FGF7: variants seen among roughly 807,000 people sequenced by gnomAD.
FGF7 encodes fibroblast growth factor 7.
Under a neutral mutation model 20.5 loss-of-function variants are expected in FGF7, and 6 were observed. The observed-to-expected ratio is 0.29, with a 90% confidence interval of 0.16 to 0.58. FGF7 has a LOEUF of 0.58. FGF7 is among the 20% of genes least tolerant of loss of function. The probability of loss-of-function intolerance (pLI) is 0.90; values close to 1 mark genes in which losing one functional copy is unlikely to be tolerated. For missense variants in FGF7, 144 were observed against 228.8 expected, an observed-to-expected ratio of 0.63 and a Z score of 2.39; for synonymous variants, 64 against 74.7, an observed-to-expected ratio of 0.86 and a Z score of 0.74.
At position 49,486,742 on chromosome 15, in the gene FGF7, A is replaced by G. The variant is rs1353887226; in HGVS notation, c.*2238A>G. 6.6e-6 allele frequency: 1 copy of G among 151,964 alleles called. No homozygotes were observed. Among genetic ancestry groups the G allele is most frequent in the Non-Finnish European group, 1.5e-5 (1 of 67,880 alleles). The allele number at this position is 151,964 out of a possible 1,614,324, so 9.4% of individuals were successfully genotyped here. A position where few individuals can be genotyped will look rare whatever the true frequency, so the allele number is the denominator to read the frequency against. On this transcript the variant is annotated 3_prime_UTR_variant, in exon 4 of 4. Coordinates refer to ENST00000267843, the MANE Select transcript of FGF7 (RefSeq NM_002009.4). ...TAGTGGTAAATCCATTCCTGGTAGTATAAGTCACCTAAAAAAGACTTCTAG... is the reference window on the plus strand; with the variant it reads ...TAGTGGTAAATCCATTCCTGGTAGTGTAAGTCACCTAAAAAAGACTTCTAG...
chr15:49,424,201 T>C lies in FGF7; in HGVS notation c.-97T>C. On this transcript the variant is annotated 5_prime_UTR_variant, in exon 2 of 4. Transcript: ENST00000267843. ...TACTCTTTCTTAAATCAATCTACAA[T>C]TCACAGATAGGAAGAGGTCAATGAC... The C allele has an allele frequency of 9.1e-7, 1 of 1,099,154 alleles. No homozygotes were observed. The highest frequency in any genetic ancestry group is 1.3e-6 in the Non-Finnish European group (1 of 754,632). 68.1% of individuals were successfully genotyped at this position (1,099,154 alleles called of 1,614,324 possible). A position where few individuals can be genotyped will look rare whatever the true frequency, so the allele number is the denominator to read the frequency against.
chr15:49,474,488 TGACA>T (rs377354981), intron 2 of FGF7, among the ~76,000 whole-genome samples: 16 of 152,184 alleles, frequency 1.1e-4, no homozygotes, highest in South Asian at 1.0e-3. Context: ...ATTATATAGC[TGACA>T]GACAGGTAAA....
intron 2 of FGF7, among the ~76,000 whole-genome samples, chr15:49,439,409 C>A (rs1177679650): frequency 1.3e-5 from 2 of 151,466 alleles, no homozygotes; most frequent in African/African-American, 4.8e-5. Flanking sequence ...ACAGACTAAC[C>A]CTAGTAAAAT....
At chr15:49,438,104 T>C (rs1218100921) in intron 2 of FGF7, among the ~76,000 whole-genome samples, 2 of 151,296 alleles carry the variant, frequency 1.3e-5, no homozygotes, top group Admixed American at 1.3e-4. Flanking sequence ...GTTTCAGGAG[T>C]ACCAAGTTCA....
At chr15:49,469,627 T>C (rs1003024002) in intron 2 of FGF7, among the ~76,000 whole-genome samples, 18 of 152,132 alleles carry the variant, frequency 1.2e-4, no homozygotes, top group African/African-American at 4.3e-4. Flanking sequence ...ATAAAGTATT[T>C]ACTTAAATTC....
intron 2 of FGF7, among the ~76,000 whole-genome samples, chr15:49,439,499 C>T (rs1228509577): frequency 1.3e-5 from 2 of 151,720 alleles, no homozygotes; most frequent in Non-Finnish European, 2.9e-5. Flanking sequence ...GGCCAAACCA[C>T]GGACTAACTA....
At chr15:49,483,725 G>T (rs1339411212) in intron 3 of FGF7, among the ~76,000 whole-genome samples, 2 of 151,984 alleles carry the variant, frequency 1.3e-5, no homozygotes, top group Non-Finnish European at 2.9e-5. Flanking sequence ...TCACTACAAT[G>T]CAAAATATGT....
chr15:49,445,335 A>G (rs992783810), intron 2 of FGF7, among the ~76,000 whole-genome samples: 3 of 151,584 alleles, frequency 2.0e-5, no homozygotes, highest in South Asian at 2.1e-4. Flanking sequence ...TGAGTATTCA[A>G]TGTTTAGCTC....
intron 2 of FGF7, among the ~76,000 whole-genome samples, chr15:49,479,712 C>G (rs962593495): frequency 4.3e-5 from 6 of 138,792 alleles, no homozygotes; most frequent in African/African-American, 1.6e-4. Flanking sequence ...CTCCCAGGTT[C>G]AAATGATTCT....
chr15:49,432,634 T>A (rs2050719536), intron 2 of FGF7, among the ~76,000 whole-genome samples: 1 of 151,618 alleles, frequency 6.6e-6, no homozygotes, highest in African/African-American at 2.4e-5. Context: ...ACTAAATTGT[T>A]TGAATCAAAT....
intron 2 of FGF7, among the ~76,000 whole-genome samples, chr15:49,453,703 TC>T (rs2052997412): frequency 6.6e-6 from 1 of 152,178 alleles, no homozygotes; most frequent in South Asian, 2.1e-4. Context: ...TAATCTGAAA[TC>T]TGAAATTTCA....
At position 49,475,941 on chromosome 15, in the gene FGF7, C is replaced by G. The variant is rs1298026210; in HGVS notation, c.287-7210C>G. On this transcript the variant is annotated intron_variant, in intron 2 of 3. Coordinates refer to ENST00000267843, the MANE Select transcript of FGF7 (RefSeq NM_002009.4). ...AGGTTCAAGACCCTTGACAATTTGG[C>G]CCTAACTCTTTTTCCACCCTCTCAC... Among the ~76,000 whole-genome samples the G allele has an allele frequency of 3.9e-5, 6 of 152,230 alleles. No homozygotes were observed. The East Asian group carries it at 1.2e-3, about 29-fold the overall frequency.
In FGF7 at chr15:49,460,440, A is replaced by C. The variant is rs575840198; in HGVS notation, c.287-22711A>C. The stretch of plus-strand genomic sequence containing the variant: ...TATATGATCTCTGATTCCACTGCAA[A>C]GTCTGAATGCATGTGCTCAAATTAG... On this transcript the variant is annotated intron_variant, in intron 2 of 3. Transcript: ENST00000267843. Among the ~76,000 whole-genome samples, 3 of 152,316 alleles carry C rather than the reference A, an allele frequency of 2.0e-5. No homozygotes were observed. The South Asian group carries it at 6.2e-4, about 32-fold the overall frequency.
chr15:49,434,170 G>C (rs186668249), intron 2 of FGF7, among the ~76,000 whole-genome samples: 9 of 151,584 alleles, frequency 5.9e-5, no homozygotes, highest in African/African-American at 2.2e-4. Context: ...CATAGGCCTA[G>C]TTTATCTGGT....
intron 2 of FGF7, among the ~76,000 whole-genome samples, chr15:49,425,916 T>G (rs944795121): frequency 3.3e-5 from 5 of 151,612 alleles, no homozygotes; most frequent in Admixed American, 3.3e-4. Context: ...TGGAGAAAAT[T>G]TTTTTGATAT....
intron 2 of FGF7, among the ~76,000 whole-genome samples, chr15:49,477,895 G>A (rs1188682267): frequency 6.6e-6 from 1 of 152,114 alleles, no homozygotes; most frequent in Non-Finnish European, 1.5e-5. Context: ...GTATCTCATT[G>A]TTGTTTTAAT....
At chr15:49,449,971 T>C (rs929018125) in intron 2 of FGF7, among the ~76,000 whole-genome samples, 23 of 152,220 alleles carry the variant, frequency 1.5e-4, no homozygotes, top group African/African-American at 4.6e-4. Flanking sequence ...AATGTCATGC[T>C]CAATCACAAA....
At chr15:49,437,075 C>A (rs1050766856) in intron 2 of FGF7, among the ~76,000 whole-genome samples, 2 of 151,496 alleles carry the variant, frequency 1.3e-5, no homozygotes, top group Non-Finnish European at 3.0e-5. Flanking sequence ...TAAACACATT[C>A]CTGACATTTA....
intron 2 of FGF7, among the ~76,000 whole-genome samples, chr15:49,463,796 T>G (rs1003580824): frequency 6.6e-6 from 1 of 152,194 alleles, no homozygotes; most frequent in Non-Finnish European, 1.5e-5. Flanking sequence ...GAATAGATTC[T>G]GAGGAAAGGC....
Sources: gnomAD v4.1 joint callset for allele counts (sites outside exome capture counted in the v4.1 genomes callset) on GRCh38, gnomAD v4.1.1 for gene constraint, MANE v1.5 for transcripts, NCBI Gene and HGNC (gene_info 2026-07-23, HGNC 2026-07-21) for gene names.